The following WWOX variants were observed in gnomAD, a reference collection of about 807,000 sequenced individuals.
WWOX encodes the protein WW domain-containing oxidoreductase.
In WWOX, 69 loss-of-function variants were observed where a neutral mutation model predicts 46.2. That is an observed-to-expected ratio of 1.49 (90% CI 1.23 to 1.82). The LOEUF is 1.82. Ranked by LOEUF, WWOX falls within the 40% of genes most tolerant of loss-of-function variation. The pLI, the probability that WWOX is intolerant of heterozygous loss-of-function variation, is 0.00. For missense variants in WWOX, 919 were observed against 542.6 expected (o/e 1.69, Z -6.89); for synonymous variants, 359 against 202.6 (o/e 1.77, Z -6.56).
At chr16:78,313,944 G>A (rs536783889) in intron 5 of WWOX, among the ~76,000 whole-genome samples, 66 of 152,204 alleles carry the variant, frequency 4.3e-4, no homozygotes, top group Non-Finnish European at 8.8e-4. Flanking sequence ...CCTTATATCC[G>A]TGCTGACACA....
intron 8 of WWOX, among the ~76,000 whole-genome samples, chr16:78,599,142 A>C (rs1404243347): frequency 6.6e-6 from 1 of 152,156 alleles, no homozygotes; most frequent in Non-Finnish European, 1.5e-5. Context: ...GGGGTTGCTG[A>C]TGGAGACTTC....
intron 8 of WWOX, among the ~76,000 whole-genome samples, chr16:78,559,108 G>A (rs2044373565): frequency 1.3e-5 from 2 of 152,196 alleles, no homozygotes; most frequent in South Asian, 2.1e-4. Flanking sequence ...GACAGTAGTG[G>A]GGAAGGGTGA....
intron 8 of WWOX, among the ~76,000 whole-genome samples, chr16:79,121,572 A>G (rs1010660112): frequency 1.3e-5 from 2 of 152,152 alleles, no homozygotes; most frequent in African/African-American, 4.8e-5. Flanking sequence ...CTGCAGTTGA[A>G]TAACAAGAGA....
At chr16:78,892,876 A>T (rs1244748020) in intron 8 of WWOX, among the ~76,000 whole-genome samples, 1 of 152,204 alleles carries the variant, frequency 6.6e-6, no homozygotes, top group Non-Finnish European at 1.5e-5. Context: ...GGCTTCATTC[A>T]TTGGTATCTC....
intron 4 of WWOX, among the ~76,000 whole-genome samples, chr16:78,122,940 C>A (rs1311594206): frequency 1.3e-5 from 2 of 152,050 alleles, no homozygotes; most frequent in Non-Finnish European, 2.9e-5. Context: ...AAAAGCAGAA[C>A]CATCTTTATA....
intron 8 of WWOX, among the ~76,000 whole-genome samples, chr16:78,461,364 A>G (rs1221694156): frequency 2.6e-5 from 4 of 152,008 alleles, no homozygotes; most frequent in Non-Finnish European, 5.9e-5. Flanking sequence ...GGAAAGGGAG[A>G]AAAAACAAAC....
At chr16:79,143,913 T>G (rs1333709148) in intron 8 of WWOX, among the ~76,000 whole-genome samples, 1 of 152,138 alleles carries the variant, frequency 6.6e-6, no homozygotes, top group Non-Finnish European at 1.5e-5. Flanking sequence ...GAGCTTAATT[T>G]TTTTCTTTTG....
At chr16:78,359,402 A>C (rs1164557128) in intron 5 of WWOX, among the ~76,000 whole-genome samples, 1 of 152,222 alleles carries the variant, frequency 6.6e-6, no homozygotes, top group Non-Finnish European at 1.5e-5. Flanking sequence ...CTTAATTCTT[A>C]TTAACACACT....
chr16:78,501,720 A>G (rs1414574247), intron 8 of WWOX, among the ~76,000 whole-genome samples: 2 of 151,988 alleles, frequency 1.3e-5, no homozygotes, highest in Non-Finnish European at 2.9e-5. Context: ...TACTTTTATT[A>G]GAGACAGAGT....
intron 5 of WWOX, among the ~76,000 whole-genome samples, chr16:78,331,750 T>C (rs2151892682): frequency 6.6e-6 from 1 of 152,308 alleles, no homozygotes; most frequent in South Asian, 2.1e-4. Context: ...CATTGGTTTG[T>C]CCATATTAAT....
intron 4 of WWOX, among the ~76,000 whole-genome samples, chr16:78,135,785 A>G (rs1286811627): frequency 6.6e-6 from 1 of 152,190 alleles, no homozygotes; most frequent in Non-Finnish European, 1.5e-5. Context: ...TCGATCTGTG[A>G]TTCCTTTTTT....
At chr16:78,923,327 A>C (rs2045422959) in intron 8 of WWOX, among the ~76,000 whole-genome samples, 2 of 151,942 alleles carry the variant, frequency 1.3e-5, no homozygotes, top group South Asian at 4.2e-4. Flanking sequence ...CCATGGCTTA[A>C]TTTCACCAGA....
At chr16:78,715,666 A>G (rs545632673) in intron 8 of WWOX, among the ~76,000 whole-genome samples, 14 of 152,242 alleles carry the variant, frequency 9.2e-5, no homozygotes, top group African/African-American at 2.9e-4. Context: ...TAATAGAGAC[A>G]GGATTTCACT....
rs73574966 is a variant in WWOX, at chr16:78,468,549, G to A, written c.1056+35797G>A. Among the ~76,000 whole-genome samples, 667 of 152,170 alleles carry A rather than the reference G, an allele frequency of 4.4e-3. 8 individuals are homozygous for A. Among genetic ancestry groups the A allele is most frequent in the African/African-American group, 0.016 (645 of 41,512 alleles). On this transcript the variant is annotated intron_variant, in intron 8 of 8. Transcript: ENST00000566780. Reference sequence around the variant, plus strand: ...TCGGCCCTCTTAGAAGAGATTTCAGGCCTTCCCTTGTAGCTTGATAGTTAC... The same window carrying A: ...TCGGCCCTCTTAGAAGAGATTTCAGACCTTCCCTTGTAGCTTGATAGTTAC...
intron 8 of WWOX, among the ~76,000 whole-genome samples, chr16:79,023,965 A>C (rs1367979112): frequency 6.7e-6 from 1 of 150,204 alleles, no homozygotes; most frequent in Non-Finnish European, 1.5e-5. Context: ...AAAAACAAAC[A>C]AAAAAAACAT....
At chr16:78,403,230 T>G (rs2082453901) in intron 6 of WWOX, among the ~76,000 whole-genome samples, 1 of 152,220 alleles carries the variant, frequency 6.6e-6, no homozygotes. Context: ...AGTTGTAAGT[T>G]GTAAATTCAC....
chr16:78,811,201 A>T (rs929787491), intron 8 of WWOX, among the ~76,000 whole-genome samples: 21 of 152,208 alleles, frequency 1.4e-4, no homozygotes, highest in African/African-American at 4.3e-4. Context: ...CTTAGTTGTG[A>T]TCTACCTTAT....
intron 5 of WWOX, among the ~76,000 whole-genome samples, chr16:78,176,063 C>T (rs1286803029): frequency 6.6e-6 from 1 of 152,168 alleles, no homozygotes; most frequent in African/African-American, 2.4e-5. Flanking sequence ...GCTGCCCATC[C>T]CATTTCTGCA....
chr16:78,978,455 C>T (rs545550735), intron 8 of WWOX, among the ~76,000 whole-genome samples: 2 of 152,116 alleles, frequency 1.3e-5, no homozygotes, highest in Admixed American at 6.5e-5. Flanking sequence ...TTCCCACCAG[C>T]GAAGTGCAGG....
Sources: allele counts gnomAD v4.1 joint callset (sites outside exome capture counted in the v4.1 genomes callset), GRCh38; gene constraint gnomAD v4.1.1; transcripts MANE v1.5; gene names NCBI Gene and HGNC (gene_info 2026-07-23, HGNC 2026-07-21).